Variants in SLC35F3 observed in about 807,000 individuals in gnomAD.
SLC35F3 encodes the protein solute carrier family 35 member F3.
Under a neutral mutation model 49.9 loss-of-function variants are expected in SLC35F3, and 25 were observed. The ratio of observed to expected loss-of-function variants is 0.50; its 90% CI spans 0.37 to 0.70. The LOEUF is 0.70. Ranked by LOEUF, SLC35F3 falls within the 30% of genes least tolerant of loss-of-function variation. The probability of loss-of-function intolerance (pLI) is 0.00; values close to 1 mark genes in which losing one functional copy is unlikely to be tolerated. For missense variants in SLC35F3, 525 were observed against 639.8 expected, an observed-to-expected ratio of 0.82 and a Z score of 1.94; for synonymous variants, 275 against 265.4, an observed-to-expected ratio of 1.04 and a Z score of -0.35.
At chr1:234,315,400 A>G (rs611676) in intron 4 of SLC35F3, among the ~76,000 whole-genome samples, 47,226 of 152,110 alleles carry the variant, frequency 0.31, 7,528 homozygotes, top group East Asian at 0.55. Flanking sequence ...AGTACTTCCT[A>G]TGTGAATCAT....
At position 233,966,754 on chromosome 1, in the gene SLC35F3, G is replaced by A. The variant is rs560606974; in HGVS notation, c.283+60996G>A. ...ATAGAAAGCCTTCCTTCTCTCACAAGCTAATTCTGCAAAGGATCAAATACA... is the reference window on the plus strand; with the variant it reads ...ATAGAAAGCCTTCCTTCTCTCACAAACTAATTCTGCAAAGGATCAAATACA... On this transcript the variant is annotated intron_variant, in intron 2 of 7. Transcript: ENST00000366618. Among the ~76,000 whole-genome samples the A allele has an allele frequency of 3.3e-5, 5 of 152,332 alleles. No individual in the cohort carries two copies. In the East Asian group the frequency reaches 9.6e-4, roughly 29 times the overall value.
At position 234,117,472 on chromosome 1, in the gene SLC35F3, A is replaced by G. The variant is rs192568742; in HGVS notation, c.284-113945A>G. ...CTGGGTATGGTGGCACACCCTTGTA[A>G]TCCCAGCTACTTGGGAGGCTGAGGC... On this transcript the variant is annotated intron_variant, in intron 2 of 7. Transcript: ENST00000366618. Among the ~76,000 whole-genome samples, 372 of 152,138 alleles carry G rather than the reference A, an allele frequency of 2.4e-3. 3 individuals carry two copies. The highest frequency in any genetic ancestry group is 8.3e-3 in the African/African-American group (343 of 41,484).
chr1:234,019,783 A>G (rs1488085714), intron 2 of SLC35F3, among the ~76,000 whole-genome samples: 1 of 152,212 alleles, frequency 6.6e-6, no homozygotes, highest in Non-Finnish European at 1.5e-5. Flanking sequence ...CAGACTCAAC[A>G]TCTCTGGCGC....
At chr1:234,088,528 T>C (rs572222589) in intron 2 of SLC35F3, among the ~76,000 whole-genome samples, 1 of 152,316 alleles carries the variant, frequency 6.6e-6, no homozygotes, top group South Asian at 2.1e-4. Flanking sequence ...TTTGAATCAA[T>C]GAATGACTGG....
intron 3 of SLC35F3, among the ~76,000 whole-genome samples, chr1:234,280,724 A>C (rs563891987): frequency 6.6e-6 from 1 of 152,250 alleles, no homozygotes; most frequent in East Asian, 1.9e-4. Context: ...ACATGTGCGT[A>C]CTCTATCTCA....
chr1:233,975,399 T>G (rs571996178), intron 2 of SLC35F3, among the ~76,000 whole-genome samples: 1 of 152,364 alleles, frequency 6.6e-6, no homozygotes, highest in East Asian at 1.9e-4. Flanking sequence ...AAACCAATTT[T>G]AGTATGCCAT....
chr1:234,092,044 A>G lies in SLC35F3; in HGVS notation c.284-139373A>G, dbSNP rs112604309. Among the ~76,000 whole-genome samples, 460 of 152,276 alleles carry G rather than the reference A, an allele frequency of 3.0e-3. 1 individual carries two copies. Among genetic ancestry groups the G allele is most frequent in the Middle Eastern group, 6.8e-3 (2 of 294 alleles). The stretch of plus-strand genomic sequence containing the variant: ...TGTGCCACCACTGAAGGGCTCAGCC[A>G]TTTGGTTTTTAAAATTTCACTTCCA... On this transcript the variant is annotated intron_variant, in intron 2 of 7. Transcript: ENST00000366618.
At chr1:233,971,493 G>T (rs1300661927) in intron 2 of SLC35F3, among the ~76,000 whole-genome samples, 1 of 152,158 alleles carries the variant, frequency 6.6e-6, no homozygotes, top group African/African-American at 2.4e-5. Flanking sequence ...AGGCCGAGGC[G>T]GGTGGATCAC....
intron 2 of SLC35F3, among the ~76,000 whole-genome samples, chr1:234,189,881 C>A (rs1253685825): frequency 6.6e-6 from 1 of 152,164 alleles, no homozygotes; most frequent in East Asian, 1.9e-4. Flanking sequence ...CAACAGAAAC[C>A]ATACAAGCTA....
chr1:233,984,361 GTGTTTC>G (rs2102823697), intron 2 of SLC35F3, among the ~76,000 whole-genome samples: 1 of 152,368 alleles, frequency 6.6e-6, no homozygotes, highest in East Asian at 1.9e-4. Flanking sequence ...AGAAAGGAAG[GTGTTTC>G]TTTGCAAAGC....
chr1:234,010,125 G>A lies in SLC35F3; in HGVS notation c.283+104367G>A, dbSNP rs560139836. On this transcript the variant is annotated intron_variant, in intron 2 of 7. Coordinates refer to ENST00000366618, the MANE Select transcript of SLC35F3 (RefSeq NM_173508.4). ...TGTAAAGCAATTTTATCTCTAGTAC[G>A]AGGCTTAAAAGAAAAATTATTAAAG... Among the ~76,000 whole-genome samples, 8 of 152,206 alleles carry A rather than the reference G, an allele frequency of 5.3e-5. No homozygotes were observed. In the East Asian group the frequency reaches 1.5e-3, roughly 29 times the overall value.
At position 234,046,616 on chromosome 1, in the gene SLC35F3, C is replaced by T. The variant is rs183389283; in HGVS notation, c.283+140858C>T. Among the ~76,000 whole-genome samples, 65 of 152,222 alleles carry T rather than the reference C, an allele frequency of 4.3e-4. No homozygotes were observed. The highest frequency in any genetic ancestry group is 5.0e-4 in the Non-Finnish European group (34 of 67,992). Reference sequence around the variant, plus strand: ...GTTAATATTTATGAATGATTTTACTCATGGTTTATACTTTTTCATATATAC... The same window carrying T: ...GTTAATATTTATGAATGATTTTACTTATGGTTTATACTTTTTCATATATAC... On this transcript the variant is annotated intron_variant, in intron 2 of 7. Transcript: ENST00000366618. The surrounding 1 kb of genome is among the most constrained non-coding windows in gnomAD (Gnocchi z 4.4).
In SLC35F3 at chr1:233,977,590, A is replaced by T. The variant is rs185384154; in HGVS notation, c.283+71832A>T. ...TACTTCATAGTATTTCCTGAGGGCT[A>T]CTCTATGCTATATATTTTAAGTATT... On this transcript the variant is annotated intron_variant, in intron 2 of 7. Coordinates refer to ENST00000366618, the MANE Select transcript of SLC35F3 (RefSeq NM_173508.4). 7.2e-5 allele frequency among the ~76,000 whole-genome samples: 11 copies of T among 152,164 alleles called. No homozygotes were observed. In the East Asian group the frequency reaches 1.7e-3, roughly 24 times the overall value.
chr1:234,048,462 G>C (rs1324520077), intron 2 of SLC35F3, among the ~76,000 whole-genome samples: 1 of 152,198 alleles, frequency 6.6e-6, no homozygotes, highest in Non-Finnish European at 1.5e-5. Context: ...AAACAGTAGA[G>C]CTGTTTGGTT....
chr1:234,161,309 G>A (rs550520812), intron 2 of SLC35F3, among the ~76,000 whole-genome samples: 2 of 152,292 alleles, frequency 1.3e-5, no homozygotes, highest in African/African-American at 2.4e-5. Context: ...TACCTTGCTC[G>A]AGATCAAATT....
intron 2 of SLC35F3, among the ~76,000 whole-genome samples, chr1:234,180,268 G>A (rs757777945): frequency 6.6e-6 from 1 of 152,186 alleles, no homozygotes; most frequent in Non-Finnish European, 1.5e-5. Flanking sequence ...GATGCCTAAT[G>A]ATCTTAGGGT....
intron 2 of SLC35F3, among the ~76,000 whole-genome samples, chr1:234,079,071 G>T (rs1195786710): frequency 2.0e-5 from 3 of 151,448 alleles, no homozygotes; most frequent in Non-Finnish European, 4.4e-5. Flanking sequence ...AATTTCAAAA[G>T]GTACTACAAA....
At chr1:234,222,288 T>C (rs1042741783) in intron 2 of SLC35F3, among the ~76,000 whole-genome samples, 1 of 152,176 alleles carries the variant, frequency 6.6e-6, no homozygotes, top group African/African-American at 2.4e-5. Flanking sequence ...CACCCATTGT[T>C]GGTTCAGAAT....
chr1:234,081,904 A>ATTTTTTTTTTTTTTTTTTTTTTTTTTT (rs781469880), intron 2 of SLC35F3, among the ~76,000 whole-genome samples: 2 of 39,232 alleles, frequency 5.1e-5, no homozygotes, highest in Admixed American at 4.3e-4. Context: ...TGCCTGGCTA[A>ATTTTTTTTTTTTTTTTTTTTTTTTTTT]TTTTTTTTTT....
Sources: allele counts gnomAD v4.1 joint callset (sites outside exome capture counted in the v4.1 genomes callset), GRCh38; gene constraint gnomAD v4.1.1; non-coding constraint Gnocchi (gnomAD v3.1); transcripts MANE v1.5; gene names NCBI Gene and HGNC (gene_info 2026-07-23, HGNC 2026-07-21).